The following GPHN variants were observed in gnomAD, a reference collection of about 807,000 sequenced individuals.
GPHN encodes the protein gephyrin.
In GPHN, 17 loss-of-function variants were observed where a neutral mutation model predicts 95.5. The observed-to-expected ratio is 0.18, with a 90% CI of 0.12 to 0.27. The LOEUF is 0.27. GPHN is among the 10% of genes least tolerant of loss of function. GPHN has a pLI of 1.00. For missense variants in GPHN, 660 were observed against 978.1 expected, an observed-to-expected ratio of 0.67 and a Z score of 4.34; for synonymous variants, 320 against 322.5, an observed-to-expected ratio of 0.99 and a Z score of 0.08.
the GPHN span, among the ~76,000 whole-genome samples, chr14:67,275,775 A>G: frequency 6.6e-6 from 1 of 152,112 alleles, no homozygotes; most frequent in African/African-American, 2.4e-5. Context: ...TTGGTAGGCT[A>G]TTAATTATTG....
At chr14:66,683,369 T>C (rs376924898) in intron 2 of GPHN, among the ~76,000 whole-genome samples, 13 of 32,082 alleles carry the variant, frequency 4.1e-4, no homozygotes, top group Admixed American at 1.1e-3. Flanking sequence ...TATATATATA[T>C]ATATATATAT....
the GPHN span, chr14:67,695,583 G>T: frequency 1.9e-6 from 3 of 1,555,884 alleles, no homozygotes; most frequent in Non-Finnish European, 8.8e-7. Flanking sequence ...TTTCCCTCCC[G>T]CCCCGCAACA....
intron 1 of GPHN, among the ~76,000 whole-genome samples, chr14:66,600,442 T>C (rs1017298438): frequency 3.3e-5 from 5 of 152,130 alleles, no homozygotes; most frequent in Admixed American, 3.3e-4. Flanking sequence ...AATAATAAAT[T>C]AGCTCTTACT....
intron 11 of GPHN, among the ~76,000 whole-genome samples, chr14:67,076,516 C>G (rs754759091): frequency 6.6e-6 from 1 of 152,064 alleles, no homozygotes; most frequent in Non-Finnish European, 1.5e-5. Flanking sequence ...TTCATAGTAA[C>G]CCTCTTAATC....
At chr14:67,428,029 C>A in the GPHN span, among the ~76,000 whole-genome samples, 3 of 151,562 alleles carry the variant, frequency 2.0e-5, no homozygotes, top group Admixed American at 6.6e-5. Flanking sequence ...TCAAGCGATT[C>A]TCCTGCCTCA....
At chr14:67,480,172 A>G in the GPHN span, among the ~76,000 whole-genome samples, 2 of 152,164 alleles carry the variant, frequency 1.3e-5, no homozygotes, top group African/African-American at 2.4e-5. Context: ...AGACCTCTGG[A>G]CAGCCCCTCC....
At chr14:67,500,573 AT>A in the GPHN span, among the ~76,000 whole-genome samples, 254 of 138,734 alleles carry the variant, frequency 1.8e-3, no homozygotes, top group East Asian at 1.9e-3. Flanking sequence ...GTGCATTTGG[AT>A]TTTTTTTTTT....
Position 66,763,606 on chromosome 14 carries a change from T to C in GPHN, c.144-12858T>C, listed in dbSNP as rs1011874454. 2.0e-5 allele frequency among the ~76,000 whole-genome samples: 3 copies of C among 151,890 alleles called. No homozygotes were observed. The South Asian group carries it at 6.2e-4, about 32-fold the overall frequency. On this transcript the variant is annotated intron_variant, in intron 2 of 22. Transcript: ENST00000478722. ...TATGGCTGCATAGTATTCCATGGTG[T>C]ATATGTGCCACATTTTCTTAATCCA...
the GPHN span, among the ~76,000 whole-genome samples, chr14:67,283,263 T>C: frequency 2.0e-5 from 3 of 152,222 alleles, no homozygotes; most frequent in East Asian, 3.8e-4. Flanking sequence ...AGTGTCTGCA[T>C]ATTTTTTGTC....
At chr14:66,918,343 C>T (rs1478907660) in intron 6 of GPHN, among the ~76,000 whole-genome samples, 1 of 152,154 alleles carries the variant, frequency 6.6e-6, no homozygotes, top group Admixed American at 6.5e-5. Flanking sequence ...GACTCAAACA[C>T]TTACTGCCAG....
intron 11 of GPHN, among the ~76,000 whole-genome samples, chr14:67,068,055 A>C (rs2076136603): frequency 2.0e-5 from 3 of 152,202 alleles, no homozygotes; most frequent in Non-Finnish European, 2.9e-5. Context: ...TGGGAGCTGC[A>C]GAATGGAGCT....
At chr14:67,303,683 C>G in the GPHN span, 4 of 915,162 alleles carry the variant, frequency 4.4e-6, no homozygotes, top group East Asian at 9.8e-5. Context: ...AGAAATGTCA[C>G]TGTTTCCTGT....
At chr14:66,828,700 G>GA (rs937461984) in intron 4 of GPHN, among the ~76,000 whole-genome samples, 33 of 151,230 alleles carry the variant, frequency 2.2e-4, no homozygotes, top group Middle Eastern at 6.8e-3. Context: ...TAGGATGAAT[G>GA]AAAAAAAACA....
At chr14:67,557,637 G>A in the GPHN span, among the ~76,000 whole-genome samples, 6 of 152,230 alleles carry the variant, frequency 3.9e-5, no homozygotes, top group Non-Finnish European at 5.9e-5. Flanking sequence ...AAGGAGCTTG[G>A]AGGCAGACTG....
At chr14:67,132,759 A>G (rs2079800479) in intron 17 of GPHN, among the ~76,000 whole-genome samples, 1 of 151,982 alleles carries the variant, frequency 6.6e-6, no homozygotes, top group Admixed American at 6.6e-5. Flanking sequence ...CCCCAAACTC[A>G]TAAAAAGTAA....
At chr14:66,614,619 G>T (rs2062926534) in intron 1 of GPHN, among the ~76,000 whole-genome samples, 2 of 146,762 alleles carry the variant, frequency 1.4e-5, no homozygotes. Flanking sequence ...AGCACCACCA[G>T]TTCAAATTTG....
At chr14:67,149,611 T>C (rs1405768664) in intron 18 of GPHN, among the ~76,000 whole-genome samples, 3 of 152,204 alleles carry the variant, frequency 2.0e-5, no homozygotes, top group African/African-American at 4.8e-5. Flanking sequence ...AAAGAACACT[T>C]ATAGTTATAC....
intron 1 of GPHN, among the ~76,000 whole-genome samples, chr14:66,547,840 C>T (rs531405402): frequency 1.6e-4 from 24 of 152,252 alleles, no homozygotes; most frequent in African/African-American, 5.8e-4. Flanking sequence ...TAACCTTTCA[C>T]AGGGTGATGG....
chr14:66,928,208 A>T (rs1177900965), intron 8 of GPHN, among the ~76,000 whole-genome samples: 1 of 152,106 alleles, frequency 6.6e-6, no homozygotes, highest in African/African-American at 2.4e-5. Context: ...CAATCTCATT[A>T]CTTATTGCTG....
Sources: gnomAD v4.1 joint callset for allele counts (sites outside exome capture counted in the v4.1 genomes callset) on GRCh38, gnomAD v4.1.1 for gene constraint, MANE v1.5 for transcripts, NCBI Gene and HGNC (gene_info 2026-07-23, HGNC 2026-07-21) for gene names.